CHRDL2: variants seen among roughly 807,000 people sequenced by gnomAD.
CHRDL2 encodes chordin like 2.
A neutral mutation model predicts 54.3 loss-of-function variants in CHRDL2; 41 were observed. The ratio of observed to expected loss-of-function variants is 0.76; its 90% CI spans 0.59 to 0.98. The LOEUF (loss-of-function observed/expected upper bound fraction) is 0.98, where lower values mean the gene tolerates loss of function less well. CHRDL2 is among the 50% of genes least tolerant of loss of function. The probability of loss-of-function intolerance (pLI) is 0.00; values close to 1 mark genes in which losing one functional copy is unlikely to be tolerated. For missense variants in CHRDL2, 518 were observed against 562.4 expected, an observed-to-expected ratio of 0.92 and a Z score of 0.80; for synonymous variants, 220 against 224.3, an observed-to-expected ratio of 0.98 and a Z score of 0.17.
At chr11:74,708,569 G>A (rs916491215) in intron 4 of CHRDL2, among the ~76,000 whole-genome samples, 174 bp from the exon 5 acceptor site, 22 of 152,104 alleles carry the variant, frequency 1.4e-4, no homozygotes, top group African/African-American at 5.1e-4. Context: ...GGGGTCCCCC[G>A]TGCCCTCCCA....
At chr11:74,724,278 C>T (rs1387731084) in intron 1 of CHRDL2, among the ~76,000 whole-genome samples, 1 of 152,230 alleles carries the variant, frequency 6.6e-6, no homozygotes, top group Non-Finnish European at 1.5e-5. Flanking sequence ...AGAGGCTTCT[C>T]TTTGGCATAT....
intron 2 of CHRDL2, among the ~76,000 whole-genome samples, chr11:74,715,920 G>T (rs982392982): frequency 1.3e-5 from 2 of 152,136 alleles, no homozygotes; most frequent in Non-Finnish European, 2.9e-5. Flanking sequence ...AGAGTTTGCA[G>T]TGAGCCGAGA....
chr11:74,703,288 C>A lies in CHRDL2; in HGVS notation c.946+17G>T, dbSNP rs764380783. On this transcript the variant is annotated intron_variant, in intron 8 of 10. Coordinates refer to ENST00000376332, the MANE Select transcript of CHRDL2 (RefSeq NM_001278473.3). ...ACTCTGGCCAGCGCCCTCCTTGCTC[C>A]CAGTGCCCCTGTGTACCTGGGCAAA... 5.7e-6 allele frequency: 9 copies of A among 1,578,250 alleles called. No homozygotes were observed. Among genetic ancestry groups the A allele is most frequent in the Non-Finnish European group, 7.8e-6 (9 of 1,159,346 alleles).
chr11:74,696,668 C>T lies in CHRDL2; in HGVS notation c.1214-83G>A, dbSNP rs912598794. 10 of 1,074,212 alleles carry T rather than the reference C, an allele frequency of 9.3e-6. 1 individual carries two copies. Among genetic ancestry groups the T allele is most frequent in the African/African-American group, 9.3e-5 (6 of 64,708 alleles). The allele number at this position is 1,074,212 out of a possible 1,614,324, so 66.5% of individuals were successfully genotyped here. A position where few individuals can be genotyped will look rare whatever the true frequency, so the allele number is the denominator to read the frequency against. ...AGGCAGCAGCTGGGGGTTGGAAAAGCCTTGGGCCAGGAGGAACTGCAAGGG... is the reference window on the plus strand; with the variant it reads ...AGGCAGCAGCTGGGGGTTGGAAAAGTCTTGGGCCAGGAGGAACTGCAAGGG... On this transcript the variant is annotated intron_variant, in intron 10 of 10. Transcript: ENST00000376332.
At chr11:74,703,522 A>G (rs754926668) in intron 7 of CHRDL2, 23 bp from the exon 8 acceptor site, 2 of 1,541,726 alleles carry the variant, frequency 1.3e-6, no homozygotes, top group South Asian at 2.4e-5. Flanking sequence ...GGTGAGAAGG[A>G]AGGAGGATCA....
intron 9 of CHRDL2, among the ~76,000 whole-genome samples, chr11:74,700,638 T>C (rs2033773120): frequency 7.2e-6 from 1 of 139,112 alleles, no homozygotes; most frequent in South Asian, 2.2e-4. Flanking sequence ...ATTATTATTA[T>C]TATTATTTTT....
chr11:74,727,553 T>C (rs1264888707), intron 1 of CHRDL2, among the ~76,000 whole-genome samples: 1 of 152,096 alleles, frequency 6.6e-6, no homozygotes, highest in Non-Finnish European at 1.5e-5. Context: ...CACAGATATG[T>C]GCCACCATGC....
chr11:74,719,526 C>A (rs531210397), intron 1 of CHRDL2, among the ~76,000 whole-genome samples: 42 of 152,156 alleles, frequency 2.8e-4, no homozygotes, highest in African/African-American at 9.4e-4. Flanking sequence ...AGGGATGGGG[C>A]CTGAGGCCAT....
intron 9 of CHRDL2, among the ~76,000 whole-genome samples, chr11:74,701,961 C>T (rs886595384): frequency 6.6e-5 from 10 of 152,136 alleles, no homozygotes. Context: ...ATTTCCTTAT[C>T]GATGAAAACC....
chr11:74,728,549 G>GTTGTTGTTT (rs977770601), intron 1 of CHRDL2, among the ~76,000 whole-genome samples: 1 of 139,988 alleles, frequency 7.1e-6, no homozygotes, highest in Non-Finnish European at 1.5e-5. Context: ...TGTTGTTGTT[G>GTTGTTGTTT]TTTTTTAAGA....
intron 3 of CHRDL2, among the ~76,000 whole-genome samples, 156 bp downstream of exon 3, chr11:74,713,230 G>A (rs533581260): frequency 2.0e-5 from 3 of 152,326 alleles, no homozygotes; most frequent in Non-Finnish European, 4.4e-5. Context: ...ACTGCCTGGG[G>A]ATCTGGGATA....
chr11:74,717,547 TG>T (rs1040523195), intron 2 of CHRDL2, among the ~76,000 whole-genome samples: 125 of 152,138 alleles, frequency 8.2e-4, no homozygotes, highest in Middle Eastern at 3.4e-3. Context: ...CATTTCTACT[TG>T]GGGCCAACAC....
intron 1 of CHRDL2, among the ~76,000 whole-genome samples, chr11:74,725,279 C>T (rs2034556780): frequency 6.6e-6 from 1 of 152,214 alleles, no homozygotes. Flanking sequence ...GCGGGAGCCA[C>T]CACGCCCAGC....
chr11:74,701,737 T>A, intron 9 of CHRDL2: 1 of 579,626 alleles, frequency 1.7e-6, no homozygotes, highest in Non-Finnish European at 3.2e-6. Flanking sequence ...AACTCCAAAG[T>A]GCTACACACA....
intron 5 of CHRDL2, 68 bp from the exon 6 acceptor site, chr11:74,706,610 C>T: frequency 2.1e-6 from 3 of 1,460,248 alleles, no homozygotes; most frequent in Non-Finnish European, 2.9e-6. Flanking sequence ...GCCCTGAGGC[C>T]TCCACCTATA....
chr11:74,705,990 T>C (rs1288731772), intron 6 of CHRDL2, among the ~76,000 whole-genome samples: 1 of 152,148 alleles, frequency 6.6e-6, no homozygotes, highest in African/African-American at 2.4e-5. Context: ...CTCTATCTCC[T>C]TCCTCTCAGA....
chr11:74,716,712 A>C (rs551071102), intron 2 of CHRDL2, among the ~76,000 whole-genome samples: 1 of 151,144 alleles, frequency 6.6e-6, no homozygotes, highest in South Asian at 2.1e-4. Flanking sequence ...CAATCAGCAC[A>C]CAGTCTCTGT....
At chr11:74,710,784 G>T in intron 4 of CHRDL2, 65 bp downstream of exon 4, 1 of 1,568,786 alleles carries the variant, frequency 6.4e-7, no homozygotes. Flanking sequence ...CCGCAGTCCA[G>T]GCTACTATGT....
intron 5 of CHRDL2, among the ~76,000 whole-genome samples, chr11:74,708,049 T>TTC (rs749770094): frequency 2.6e-5 from 4 of 152,154 alleles, no homozygotes; most frequent in Non-Finnish European, 5.9e-5. Flanking sequence ...CCTGTATTGC[T>TTC]TCTCTCTCTT....
Sources: allele counts gnomAD v4.1 joint callset (sites outside exome capture counted in the v4.1 genomes callset), GRCh38; gene constraint gnomAD v4.1.1; transcripts MANE v1.5; gene names NCBI Gene and HGNC (gene_info 2026-07-23, HGNC 2026-07-21).